CADPS2: variants seen among roughly 807,000 people sequenced by gnomAD.
CADPS2 encodes calcium dependent secretion activator 2.
Under a neutral mutation model 172.5 loss-of-function variants are expected in CADPS2, and 93 were observed. That is an observed-to-expected ratio of 0.54 (90% confidence interval 0.46 to 0.64). The LOEUF (loss-of-function observed/expected upper bound fraction) is 0.64, where lower values mean the gene tolerates loss of function less well. CADPS2 is among the 30% of genes least tolerant of loss of function. The probability of loss-of-function intolerance (pLI) is 0.00; values close to 1 mark genes in which losing one functional copy is unlikely to be tolerated. For missense variants in CADPS2, 1,420 were observed against 1,565.9 expected, an observed-to-expected ratio of 0.91 and a Z score of 1.57; for synonymous variants, 546 against 555.2, an observed-to-expected ratio of 0.98 and a Z score of 0.23.
At position 122,629,258 on chromosome 7, in the gene CADPS2, T is replaced by G; in HGVS notation, c.857A>C (p.Lys286Thr). The G allele has an allele frequency of 1.2e-6, 2 of 1,609,412 alleles. No homozygotes were observed. The highest frequency in any genetic ancestry group is 1.7e-6 in the Non-Finnish European group (2 of 1,177,632). The change falls in exon 4 of 30, where the codon AAA (lysine) becomes ACA (threonine). Residue 286 changes from lysine (K) to threonine (T), a missense_variant. Transcript: ENST00000449022. Reference sequence around the variant, plus strand: ...AAGTTAATAATTTACCTTTGCCATTTTATCTGCCAATTGCAGCCGGCCATC... The same window carrying G: ...AAGTTAATAATTTACCTTTGCCATTGTATCTGCCAATTGCAGCCGGCCATC... The part of the protein sequence containing the change: ...ELDGRLQLAD[K>T]MAKERKFPKF...
At chr7:122,644,886 T>C (rs1164601472) in intron 3 of CADPS2, among the ~76,000 whole-genome samples, 1 of 152,152 alleles carries the variant, frequency 6.6e-6, no homozygotes, top group Non-Finnish European at 1.5e-5. Context: ...CTCTTATAGC[T>C]ACCTTCTAAA....
intron 27 of CADPS2, among the ~76,000 whole-genome samples, chr7:122,357,784 C>G (rs77575106): frequency 0.14 from 21,485 of 152,152 alleles, 1,571 homozygotes; most frequent in Non-Finnish European, 0.15. Context: ...ATTTAAGATT[C>G]ATCCATGTCT....
intron 13 of CADPS2, 58 bp from the exon 14 acceptor site, chr7:122,471,620 T>G: frequency 1.4e-6 from 2 of 1,427,516 alleles, no homozygotes; most frequent in Non-Finnish European, 1.9e-6. Context: ...TACGATTTGC[T>G]TTCCTGAACG....
At chr7:122,838,048 G>A (rs1193589582) in intron 1 of CADPS2, among the ~76,000 whole-genome samples, 21 of 152,164 alleles carry the variant, frequency 1.4e-4, no homozygotes, top group South Asian at 8.3e-4. Context: ...CTGGCAAACT[G>A]AATCCAGCAG....
chr7:122,817,249 C>A (rs1413642442), intron 1 of CADPS2, among the ~76,000 whole-genome samples: 1 of 152,174 alleles, frequency 6.6e-6, no homozygotes, highest in Non-Finnish European at 1.5e-5. Flanking sequence ...TTCTTTGCTC[C>A]ATGAGAAAGA....
intron 17 of CADPS2, among the ~76,000 whole-genome samples, chr7:122,437,946 A>T (rs755549647): frequency 9.9e-5 from 15 of 152,146 alleles, no homozygotes; most frequent in Non-Finnish European, 1.8e-4. Context: ...TTTTTGAGTG[A>T]TACTGCAGAA....
chr7:122,807,773 G>A (rs1799107512), intron 1 of CADPS2, among the ~76,000 whole-genome samples: 1 of 152,060 alleles, frequency 6.6e-6, no homozygotes, highest in Admixed American at 6.6e-5. Flanking sequence ...TCTTGGCATG[G>A]GGGGCATTGG....
At chr7:122,545,439 G>A (rs1185977712) in intron 8 of CADPS2, among the ~76,000 whole-genome samples, 4 of 152,172 alleles carry the variant, frequency 2.6e-5, no homozygotes, top group Admixed American at 2.6e-4. Flanking sequence ...GGCAAAGTTA[G>A]GAGTTCGTGT....
At position 122,681,404 on chromosome 7, in the gene CADPS2, G is replaced by A. The variant is rs561767921; in HGVS notation, c.454-17835C>T. ...GCTGTACTAACTGTGCCCGATGCGT[G>A]CCCAAGGACAAGGCCATTAAGAAAT... On this transcript the variant is annotated intron_variant, in intron 2 of 29. Coordinates refer to ENST00000449022, the MANE Select transcript of CADPS2 (RefSeq NM_017954.11). The A allele has an allele frequency of 5.8e-5, 88 of 1,511,412 alleles. No individual in the cohort carries two copies. The East Asian group carries it at 1.5e-3, about 25-fold the overall frequency. The allele number at this position is 1,511,412 out of a possible 1,614,324, so 93.6% of individuals were successfully genotyped here. A position where few individuals can be genotyped will look rare whatever the true frequency, so the allele number is the denominator to read the frequency against.
chr7:122,407,531 A>G lies in CADPS2; in HGVS notation c.2746+9T>C. 6.2e-7 allele frequency: 1 copy of G among 1,607,868 alleles called. No homozygotes were observed. The highest frequency in any genetic ancestry group is 8.5e-7 in the Non-Finnish European group (1 of 1,177,678). On this transcript the variant is annotated intron_variant, in intron 20 of 29. Transcript: ENST00000449022. ...CATTTCACATATGAAAGAAAACGCAAATGCTCACTGTCATTTCGGAGGAAA... is the reference window on the plus strand; with the variant it reads ...CATTTCACATATGAAAGAAAACGCAGATGCTCACTGTCATTTCGGAGGAAA...
intron 2 of CADPS2, among the ~76,000 whole-genome samples, chr7:122,671,129 A>G (rs1588292685): frequency 6.6e-6 from 1 of 152,284 alleles, no homozygotes; most frequent in East Asian, 1.9e-4. Context: ...TCTTTAAAAT[A>G]CTGATCACAC....
intron 1 of CADPS2, among the ~76,000 whole-genome samples, chr7:122,745,684 G>T (rs1246255602): frequency 3.4e-5 from 5 of 149,090 alleles, no homozygotes; most frequent in African/African-American, 1.2e-4. Flanking sequence ...TTTTTTTAAA[G>T]AATGAATAAA....
At chr7:122,532,030 C>CAA (rs11326243) in intron 8 of CADPS2, among the ~76,000 whole-genome samples, 8 of 131,598 alleles carry the variant, frequency 6.1e-5, no homozygotes, top group Non-Finnish European at 1.0e-4. Flanking sequence ...GACTCCGTCT[C>CAA]AAAAAAAAAA....
chr7:122,834,256 C>A (rs1807538812), intron 1 of CADPS2, among the ~76,000 whole-genome samples: 1 of 152,012 alleles, frequency 6.6e-6, no homozygotes, highest in African/African-American at 2.4e-5. Flanking sequence ...GGGAAATTAC[C>A]CTAAATACAG....
At chr7:122,570,252 C>T (rs1325730505) in intron 7 of CADPS2, among the ~76,000 whole-genome samples, 1 of 152,164 alleles carries the variant, frequency 6.6e-6, no homozygotes, top group Non-Finnish European at 1.5e-5. Flanking sequence ...CAAAAGAAGA[C>T]ATTTATGCAG....
intron 14 of CADPS2, among the ~76,000 whole-genome samples, chr7:122,460,814 C>G (rs563631506): frequency 3.9e-5 from 6 of 151,994 alleles, no homozygotes; most frequent in Non-Finnish European, 7.4e-5. Context: ...AACAGAATTT[C>G]CAGGACTAAA....
At chr7:122,845,981 G>C (rs1427250378) in intron 1 of CADPS2, among the ~76,000 whole-genome samples, 3 of 152,070 alleles carry the variant, frequency 2.0e-5, no homozygotes, top group Non-Finnish European at 2.9e-5. Context: ...ACATCAAAGA[G>C]GAAAACTGAA....
At chr7:122,702,776 AAC>A in intron 2 of CADPS2, 1 of 1,491,124 alleles carries the variant, frequency 6.7e-7, no homozygotes, top group Non-Finnish European at 9.0e-7. Context: ...TTAAGAGACA[AAC>A]ATGAGAAAAC....
chr7:122,781,921 G>A (rs539153560), intron 1 of CADPS2, among the ~76,000 whole-genome samples: 1 of 152,176 alleles, frequency 6.6e-6, no homozygotes, highest in East Asian at 1.9e-4. Context: ...TTTATTTTGG[G>A]TGTCTTGACA....
Sources: allele counts gnomAD v4.1 joint callset (sites outside exome capture counted in the v4.1 genomes callset), GRCh38; gene constraint gnomAD v4.1.1; transcripts MANE v1.5; gene names NCBI Gene and HGNC (gene_info 2026-07-23, HGNC 2026-07-21).